The following CCDC154 variants were observed in gnomAD, a reference collection of about 807,000 sequenced individuals.
CCDC154 encodes coiled-coil domain-containing protein 154.
In CCDC154, 91 loss-of-function variants were observed where a neutral mutation model predicts 87.5. The observed-to-expected ratio is 1.04, with a 90% confidence interval of 0.88 to 1.24. The LOEUF (loss-of-function observed/expected upper bound fraction) is 1.24. CCDC154 is among the 50% of genes most tolerant of loss of function. The pLI is 0.00. For missense variants in CCDC154, 903 were observed against 879.2 expected (o/e 1.03, Z -0.34); for synonymous variants, 418 against 400.4 (o/e 1.04, Z -0.52).
chr16:1,436,925 C>G (rs3751895), intron 11 of CCDC154, 114 bp from the exon 12 acceptor site: 502,326 of 1,398,472 alleles, frequency 0.36, 93,476 homozygotes, highest in Non-Finnish European at 0.38. Context: ...ACTTCCAGCT[C>G]TGAGACATTT....
Position 1,443,923 on chromosome 16 carries a change from C to A in CCDC154, c.97G>T (p.Gly33Cys). The A allele has an allele frequency of 7.7e-7, 1 of 1,304,050 alleles. No homozygotes were observed. Among genetic ancestry groups the A allele is most frequent in the Non-Finnish European group, 1.0e-6 (1 of 988,952 alleles). 80.8% of individuals were successfully genotyped at this position (1,304,050 alleles called of 1,614,324 possible). ...CTCAAGGGCTCGGGGCTGGCCAGGCCTCCTGCCAGGAGGAGCCCCAGGTCT... is the reference window on the plus strand; with the variant it reads ...CTCAAGGGCTCGGGGCTGGCCAGGCATCCTGCCAGGAGGAGCCCCAGGTCT... ...LEDLGLLLAG[G>C]LASPEPLSLE... is the part of the protein sequence containing the mutation. Residue 33 changes from glycine to cysteine, a missense_variant, in exon 2 of 17, where the codon GGC (glycine) becomes TGC (cysteine). Gly to Cys is a radical substitution (Grantham distance 159). Coordinates refer to ENST00000389176, the MANE Select transcript of CCDC154 (RefSeq NM_001143980.3).
chr16:1,443,202 T>A (rs1195554177), intron 4 of CCDC154, 59 bp downstream of exon 4: 1 of 1,537,720 alleles, frequency 6.5e-7, no homozygotes, highest in African/African-American at 1.4e-5. Flanking sequence ...CACCTGCCGC[T>A]GCTTTCTCGC....
rs2038573079 is a variant in CCDC154 at position 1,443,250 on chromosome 16, G to C, written c.455+11C>G. 1.9e-6 allele frequency: 3 copies of C among 1,548,458 alleles called. No individual in the cohort carries two copies. The South Asian group carries it at 3.6e-5, about 18-fold the overall frequency. On this transcript the variant is annotated intron_variant, in intron 4 of 16. Transcript: ENST00000389176. Reference sequence around the variant, plus strand: ...GCCCTGGGCCTGTGCCCCTAGGTGTGTGGGGGGTACCTTTTGTCCAGGGCC... The same window carrying C: ...GCCCTGGGCCTGTGCCCCTAGGTGTCTGGGGGGTACCTTTTGTCCAGGGCC...
Position 1,443,978 on chromosome 16 carries a change from G to A in CCDC154, c.42C>T (p.Ala14=), listed in dbSNP as rs1292967026. 1 of 1,302,358 alleles carries A rather than the reference G, an allele frequency of 7.7e-7. No homozygotes were observed. The highest frequency in any genetic ancestry group is 1.2e-5 in the South Asian group (1 of 81,038). 80.7% of individuals were successfully genotyped at this position (1,302,358 alleles called of 1,614,324 possible). A position where few individuals can be genotyped will look rare whatever the true frequency, so the allele number is the denominator to read the frequency against. ...LADSGPSGAS[A]PSQLRAVTLE... is the part of the protein sequence containing the mutation. ...GGGTGACGGCTCTCAGCTGGGAAGG[G>A]GCCGATGCCCCTGAGGGTCCACTGT... The change falls in exon 2 of 17, where the codon GCC becomes GCT. Residue 14 remains alanine (A), a synonymous_variant. Coordinates refer to ENST00000389176, the MANE Select transcript of CCDC154 (RefSeq NM_001143980.3).
chr16:1,439,653 G>A (rs2038534141), intron 6 of CCDC154, among the ~76,000 whole-genome samples: 1 of 152,134 alleles, frequency 6.6e-6, no homozygotes, highest in Admixed American at 6.5e-5. Context: ...GGCGCCTCCC[G>A]GGAAACTTCC....
At chr16:1,436,304 C>G in intron 13 of CCDC154, 141 bp downstream of exon 13, 2 of 879,700 alleles carry the variant, frequency 2.3e-6, no homozygotes, top group Non-Finnish European at 3.5e-6. Flanking sequence ...CAGGGTGAGC[C>G]CGGTGCTGGG....
At chr16:1,437,337 C>T (rs2038511292) in intron 11 of CCDC154, 2 of 179,832 alleles carry the variant, frequency 1.1e-5, no homozygotes, top group South Asian at 3.1e-4. Context: ...GGGAGGGGCC[C>T]AGCGGTCGCC....
chr16:1,435,419 C>T lies in CCDC154; in HGVS notation c.1606-244G>A, dbSNP rs556989065. On this transcript the variant is annotated intron_variant, in intron 14 of 16. Coordinates refer to ENST00000389176, the MANE Select transcript of CCDC154 (RefSeq NM_001143980.3). ...TTGTTCCGGCCCTCGTGGCTGCGGA[C>T]GGCACCCCGGTGTGGGGGCTCCAGG... The T allele has an allele frequency of 4.3e-4, 243 of 559,040 alleles. 1 individual carries two copies. Among genetic ancestry groups the T allele is most frequent in the East Asian group, 4.3e-3 (140 of 32,538 alleles). The allele number at this position is 559,040 out of a possible 1,614,324, so 34.6% of individuals were successfully genotyped here.
In CCDC154 at chr16:1,439,121, C is replaced by T; in HGVS notation, c.681G>A (p.Gln227=). 1 of 1,550,076 alleles carries T rather than the reference C, an allele frequency of 6.5e-7. No homozygotes were observed. The highest frequency in any genetic ancestry group is 8.7e-7 in the Non-Finnish European group (1 of 1,146,878). The change falls in exon 7 of 17, where the codon CAG becomes CAA. Residue 227 remains glutamine, a synonymous_variant. Coordinates refer to ENST00000389176, the MANE Select transcript of CCDC154 (RefSeq NM_001143980.3). ...TCACCTCTTCGCCGAGCTTGGTCAC[C>T]TGGGCCTGGGGCGGAGGCACATTGT... ...VDLEVARMQA[Q]VTKLGEEVSL...
chr16:1,443,758 C>G, intron 2 of CCDC154, 38 bp downstream of exon 2: 1 of 1,303,326 alleles, frequency 7.7e-7, no homozygotes, highest in East Asian at 5.5e-5. Context: ...GCGGCGGCGA[C>G]GTGGTCCTCC....
chr16:1,437,794 C>T (rs1169391413), intron 11 of CCDC154, 23 bp downstream of exon 11: 4 of 1,517,114 alleles, frequency 2.6e-6, no homozygotes, highest in East Asian at 2.5e-5. Flanking sequence ...GCCCCGCCTG[C>T]CCCCGCCCGC....
At chr16:1,440,260 T>C (rs1176753103) in intron 6 of CCDC154, among the ~76,000 whole-genome samples, 4 of 151,390 alleles carry the variant, frequency 2.6e-5, no homozygotes, top group Non-Finnish European at 5.9e-5. Context: ...CTATCCTGGC[T>C]AACACGGTGA....
Position 1,439,012 on chromosome 16 carries a change from G to T in CCDC154, c.777+13C>A. The T allele has an allele frequency of 6.5e-7, 1 of 1,550,136 alleles. No homozygotes were observed. On this transcript the variant is annotated intron_variant, in intron 7 of 16. Transcript: ENST00000389176. ...AGGGGGGCAGGGCAGGCCAGCCGCG[G>T]GCAGGCTCCCACCTTCTCCAGGGCC...
intron 1 of CCDC154, 58 bp from the exon 2 acceptor site, chr16:1,444,070 C>A: frequency 1.6e-6 from 2 of 1,244,334 alleles, no homozygotes; most frequent in Non-Finnish European, 2.1e-6. Context: ...CTGGAGCTTA[C>A]GGGAACAAGG....
rs1475998150 is a variant in CCDC154, at chr16:1,442,439, G to A, written c.642C>T (p.Ser214=). 2 of 1,549,800 alleles carry A rather than the reference G, an allele frequency of 1.3e-6. No individual in the cohort carries two copies. Among genetic ancestry groups the A allele is most frequent in the African/African-American group, 1.4e-5 (1 of 73,008 alleles). Residue 214 remains serine (S), a synonymous_variant, in exon 6 of 17, where the codon AGC becomes AGT. Transcript: ENST00000389176. ...GALQKNQEDS[S]RRVDLEVARM... is the part of the protein sequence containing the mutation. ...TGGCCACCTCCAGGTCCACCCTCCG[G>A]CTGCTGTCCTCTTGGTTCTTCTGCA...
chr16:1,442,560 C>T, intron 5 of CCDC154, 31 bp from the exon 6 acceptor site: 1 of 1,501,754 alleles, frequency 6.7e-7, no homozygotes, highest in Non-Finnish European at 8.9e-7. Context: ...CACACCAGCC[C>T]AGCTGGCCGG....
intron 11 of CCDC154, 186 bp downstream of exon 11, chr16:1,437,631 T>C: frequency 3.0e-6 from 2 of 668,320 alleles, no homozygotes; most frequent in East Asian, 3.1e-5. Context: ...GCTCAGCGGC[T>C]GTCCTGCCCC....
intron 13 of CCDC154, 142 bp downstream of exon 13, chr16:1,436,303 C>G (rs2038501260): frequency 1.1e-6 from 1 of 876,264 alleles, no homozygotes; most frequent in East Asian, 2.6e-5. Flanking sequence ...GCAGGGTGAG[C>G]CCGGTGCTGG....
chr16:1,434,544 G>A lies in CCDC154; in HGVS notation c.1878-10C>T. ...CTTCCAGCGCAGCCACCTGTCCAGA[G>A]ATGCGGCACATGGCCCCTGCACCCC... On this transcript the variant is annotated splice_polypyrimidine_tract_variant and intron_variant, in intron 16 of 16. Transcript: ENST00000389176. The A allele has an allele frequency of 6.5e-7, 1 of 1,541,318 alleles. No homozygotes were observed.
Sources: allele counts gnomAD v4.1 joint callset (sites outside exome capture counted in the v4.1 genomes callset), GRCh38; gene constraint gnomAD v4.1.1; transcripts MANE v1.5; gene names NCBI Gene and HGNC (gene_info 2026-07-23, HGNC 2026-07-21).